Variants in SORCS3 observed in about 807,000 individuals in gnomAD.
SORCS3 encodes sortilin related VPS10 domain containing receptor 3, also known as VPS10 domain-containing receptor SorCS3.
Under a neutral mutation model 146.3 loss-of-function variants are expected in SORCS3, and 57 were observed. The observed-to-expected ratio is 0.39, with a 90% CI of 0.31 to 0.49. The LOEUF (loss-of-function observed/expected upper bound fraction) is 0.49, where lower values mean the gene tolerates loss of function less well. SORCS3 is among the 20% of genes least tolerant of loss of function. The pLI, the probability that SORCS3 is intolerant of heterozygous loss-of-function variation, is 0.92. For synonymous variants in SORCS3, 653 were observed against 618.5 expected (o/e 1.06, Z -0.83); for missense variants, 1,341 against 1,575.5 (o/e 0.85, Z 2.52).
intron 2 of SORCS3, among the ~76,000 whole-genome samples, chr10:104,912,460 A>G (rs909097242): frequency 6.6e-6 from 1 of 152,232 alleles, no homozygotes; most frequent in African/African-American, 2.4e-5. Context: ...CTACAAGTGA[A>G]TTACAGACCC....
chr10:104,901,686 T>C (rs2133590530), intron 2 of SORCS3, among the ~76,000 whole-genome samples: 1 of 152,314 alleles, frequency 6.6e-6, no homozygotes, highest in South Asian at 2.1e-4. Context: ...GGTCTTGTTA[T>C]TAGATTTAAA....
intron 7 of SORCS3, among the ~76,000 whole-genome samples, chr10:105,124,235 A>G (rs1429701196): frequency 6.6e-6 from 1 of 152,194 alleles, no homozygotes; most frequent in African/African-American, 2.4e-5. Context: ...GGTCAGCTCC[A>G]TGTCTATTGA....
chr10:104,853,193 G>A (rs891525166), intron 2 of SORCS3, among the ~76,000 whole-genome samples: 1 of 152,194 alleles, frequency 6.6e-6, no homozygotes, highest in African/African-American at 2.4e-5. Context: ...CAGCTACTCA[G>A]GAAGCTGACG....
chr10:105,110,640 T>G (rs971681325), intron 7 of SORCS3, among the ~76,000 whole-genome samples: 1 of 152,100 alleles, frequency 6.6e-6, no homozygotes, highest in Non-Finnish European at 1.5e-5. Context: ...GTCCTTCTGA[T>G]AAGACAGAAC....
intron 1 of SORCS3, among the ~76,000 whole-genome samples, chr10:104,685,285 T>A (rs2016031432): frequency 6.6e-6 from 1 of 152,168 alleles, no homozygotes; most frequent in Admixed American, 6.5e-5. Flanking sequence ...AGGATGCTGC[T>A]CTGTGTCCAA....
chr10:104,769,142 A>G (rs2017217517), intron 1 of SORCS3, among the ~76,000 whole-genome samples: 1 of 152,226 alleles, frequency 6.6e-6, no homozygotes, highest in Non-Finnish European at 1.5e-5. Context: ...CATTTAAGAA[A>G]GTGGAGCCAA....
At position 105,214,534 on chromosome 10, in the gene SORCS3, G is replaced by A. The variant is rs1400929433; in HGVS notation, c.2468G>A (p.Gly823Asp). The change falls in exon 18 of 27, where the codon GGC becomes GAC. Residue 823 changes from glycine to aspartate, a missense_variant. Gly to Asp is a moderately conservative substitution (Grantham distance 94, BLOSUM62 -1). Transcript: ENST00000369701. ...AQMCPGKAPRGLHVVTTDGRL... is the reference protein window; with the variant it reads ...AQMCPGKAPRDLHVVTTDGRL... ...ATGTGCCCTGGAAAAGCCCCTCGGG[G>A]CCTCCATGTGGTGACGACCGATGGG... is the stretch of plus-strand genomic sequence containing the variant. The A allele has an allele frequency of 6.2e-7, 1 of 1,613,660 alleles. No homozygotes were observed. The highest frequency in any genetic ancestry group is 8.5e-7 in the Non-Finnish European group (1 of 1,179,794).
chr10:105,058,820 G>T (rs2055463436), intron 5 of SORCS3, among the ~76,000 whole-genome samples: 1 of 152,110 alleles, frequency 6.6e-6, no homozygotes, highest in Non-Finnish European at 1.5e-5. Context: ...TAGATAGAAG[G>T]AATAAATGCA....
intron 1 of SORCS3, among the ~76,000 whole-genome samples, chr10:104,754,670 A>G (rs540800735): frequency 8.5e-5 from 13 of 152,316 alleles, no homozygotes; most frequent in African/African-American, 2.4e-4. Flanking sequence ...GTTCTAGGAC[A>G]TGGAAATTTA....
At position 105,264,293 on chromosome 10, in the gene SORCS3, A is replaced by C. The variant is rs2056978880; in HGVS notation, c.*919A>C. On this transcript the variant is annotated 3_prime_UTR_variant, in exon 27 of 27. Coordinates refer to ENST00000369701, the MANE Select transcript of SORCS3 (RefSeq NM_014978.3). ...CTTCATACTGAGACCCAGATGGGGG[A>C]AAACAGCTTCCTCTCTAAAAGGAAA... 1 of 152,064 alleles carries C rather than the reference A, an allele frequency of 6.6e-6. No individual in the cohort carries two copies. Among genetic ancestry groups the C allele is most frequent in the Admixed American group, 6.6e-5 (1 of 15,256 alleles). The allele number at this position is 152,064 out of a possible 1,614,324, so 9.4% of individuals were successfully genotyped here.
chr10:104,890,424 T>C (rs917733571), intron 2 of SORCS3, among the ~76,000 whole-genome samples: 1 of 152,212 alleles, frequency 6.6e-6, no homozygotes, highest in African/African-American at 2.4e-5. Flanking sequence ...CACTTTCTAT[T>C]GCTGTGTTTT....
At position 104,704,461 on chromosome 10, in the gene SORCS3, G is replaced by A. The variant is rs756628961; in HGVS notation, c.627+62507G>A. ...CAAAAAGCTGGGATTACAGGAATGA[G>A]TCACCATGCCCCAGCTGACTTCTAC... On this transcript the variant is annotated intron_variant, in intron 1 of 26. Transcript: ENST00000369701. Among the ~76,000 whole-genome samples the A allele has an allele frequency of 3.3e-5, 5 of 152,120 alleles. 1 individual carries two copies. Among genetic ancestry groups the A allele is most frequent in the Admixed American group, 6.6e-5 (1 of 15,256 alleles).
chr10:104,784,595 A>C (rs1444125296), intron 1 of SORCS3, among the ~76,000 whole-genome samples: 1 of 152,174 alleles, frequency 6.6e-6, no homozygotes, highest in Non-Finnish European at 1.5e-5. Context: ...TTCAGAACTG[A>C]GTTCTCCTTC....
chr10:105,037,294 C>T (rs2055313011), intron 4 of SORCS3, among the ~76,000 whole-genome samples: 1 of 152,166 alleles, frequency 6.6e-6, no homozygotes, highest in African/African-American at 2.4e-5. Flanking sequence ...TGTCTCTCTC[C>T]AGACTGCCTA....
intron 1 of SORCS3, among the ~76,000 whole-genome samples, chr10:104,708,122 A>T (rs1258393343): frequency 6.6e-6 from 1 of 152,226 alleles, no homozygotes; most frequent in Non-Finnish European, 1.5e-5. Flanking sequence ...GAATTTTAAT[A>T]AACAGGGCTC....
At chr10:104,973,663 T>G (rs1446598740) in intron 3 of SORCS3, among the ~76,000 whole-genome samples, 2 of 151,194 alleles carry the variant, frequency 1.3e-5, no homozygotes, top group Non-Finnish European at 2.9e-5. Context: ...GATTCATTAA[T>G]TTTTTGAAGG....
intron 2 of SORCS3, among the ~76,000 whole-genome samples, chr10:104,887,080 A>C (rs559439220): frequency 8.5e-5 from 13 of 152,348 alleles, no homozygotes; most frequent in African/African-American, 3.1e-4. Flanking sequence ...TGTCTCTTTT[A>C]CATGGATTTA....
rs183931948 is a variant in SORCS3, at chr10:104,709,921, T to A, written c.627+67967T>A. ...GTTTTTTTTTTTTTAATTAAAAAAA[T>A]TTTTTTTAACCTTTGCTGAATTTTC... is the stretch of plus-strand genomic sequence containing the variant. On this transcript the variant is annotated intron_variant, in intron 1 of 26. Transcript: ENST00000369701. Among the ~76,000 whole-genome samples the A allele has an allele frequency of 6.5e-3, 978 of 151,576 alleles. 8 individuals carry two copies. The highest frequency in any genetic ancestry group is 0.02 in the African/African-American group (843 of 41,338).
At chr10:105,228,403 CTTCT>C (rs2056746989) in intron 20 of SORCS3, among the ~76,000 whole-genome samples, 1 of 148,556 alleles carries the variant, frequency 6.7e-6, no homozygotes, top group Admixed American at 6.8e-5. Context: ...CCTTCTGTTT[CTTCT>C]TTCTTTCTCT....
Sources: gnomAD v4.1 joint callset for allele counts (sites outside exome capture counted in the v4.1 genomes callset) on GRCh38, gnomAD v4.1.1 for gene constraint, MANE v1.5 for transcripts, NCBI Gene and HGNC (gene_info 2026-07-23, HGNC 2026-07-21) for gene names.